The following CCDC14 variants were observed in gnomAD, a reference collection of about 807,000 sequenced individuals.
CCDC14 encodes coiled-coil domain-containing protein 14.
A neutral mutation model predicts 81.4 loss-of-function variants in CCDC14; 71 were observed. The ratio of observed to expected loss-of-function variants is 0.87; its 90% CI spans 0.72 to 1.06. The LOEUF (loss-of-function observed/expected upper bound fraction) is 1.06. Ranked by LOEUF, CCDC14 falls within the 50% of genes least tolerant of loss-of-function variation. The pLI, the probability that CCDC14 is intolerant of heterozygous loss-of-function variation, is 0.00. For missense variants in CCDC14, 1,046 were observed against 1,047.3 expected, an observed-to-expected ratio of 1.00 and a Z score of 0.02; for synonymous variants, 332 against 364.8, an observed-to-expected ratio of 0.91 and a Z score of 1.03.
chr3:123,885,511 C>A, the CCDC14 span, among the ~76,000 whole-genome samples: 1 of 149,716 alleles, frequency 6.7e-6, no homozygotes, highest in Non-Finnish European at 1.5e-5. Flanking sequence ...CCTTTTCAGT[C>A]TTTTCCTTAC....
chr3:123,915,676 A>T lies in CCDC14; in HGVS notation c.1821T>A (p.Ser607Arg), dbSNP rs111934942. The change falls in exon 13 of 13, where the codon AGT (serine) becomes AGA (arginine). Residue 607 changes from serine to arginine, a missense_variant. By Grantham distance (110) the Ser-to-Arg change is moderately radical (BLOSUM62 -1). Coordinates refer to ENST00000409697, the MANE Select transcript of CCDC14 (RefSeq NM_001366335.1). ...CAGGCTTGCAGCGAGCACTGTCCAC[A>T]CTAAGATCGGAGAGAAGCTTTGCCA... ...TSMAKLLSDLSVDSARCKPGN... is the reference protein window; with the variant it reads ...TSMAKLLSDLRVDSARCKPGN... 11 of 1,613,480 alleles carry T rather than the reference A, an allele frequency of 6.8e-6. No individual in the cohort carries two copies. The African/African-American group carries it at 1.2e-4, about 18-fold the overall frequency.
downstream of CCDC14, among the ~76,000 whole-genome samples, chr3:123,910,284 T>C (rs1031083775): frequency 1.1e-4 from 17 of 152,128 alleles, no homozygotes; most frequent in Non-Finnish European, 2.5e-4. Flanking sequence ...TCAACCTTTG[T>C]CCATTTTAAA....
chr3:123,909,543 T>C (rs1420489413), downstream of CCDC14, among the ~76,000 whole-genome samples: 2 of 152,194 alleles, frequency 1.3e-5, no homozygotes, highest in Non-Finnish European at 2.9e-5. Context: ...TTATGTCACA[T>C]GCTAAACAGA....
In CCDC14 at chr3:123,949,052, A is replaced by G; in HGVS notation, c.433T>C (p.Trp145Arg). ...ATTCTATAATGATCTTGCAATGACC[A>G]GTTTTGCTCTAGGTCTGATGTGTCT... ...ERDTSDLEQN[W>R]SLQDHYRMYS... The change falls in exon 6 of 13, where the codon TGG becomes CGG. Residue 145 changes from tryptophan (W) to arginine (R), a missense_variant. Transcript: ENST00000409697. 1 of 1,613,514 alleles carries G rather than the reference A, an allele frequency of 6.2e-7. No individual in the cohort carries two copies. Among genetic ancestry groups the G allele is most frequent in the Non-Finnish European group, 8.5e-7 (1 of 1,179,656 alleles).
chr3:123,925,972 G>A (rs1395138421), intron 12 of CCDC14, among the ~76,000 whole-genome samples: 4 of 152,104 alleles, frequency 2.6e-5, no homozygotes, highest in East Asian at 3.8e-4. Context: ...ACAAAAATAT[G>A]CTGGAGAAAC....
intron 3 of CCDC14, 39 bp from the exon 4 acceptor site, chr3:123,956,154 G>T: frequency 1.4e-6 from 2 of 1,464,694 alleles, no homozygotes; most frequent in South Asian, 2.7e-5. Context: ...ATTTGTATAT[G>T]ACTGTTAGTG....
chr3:123,947,600 T>C (rs1429278454), intron 7 of CCDC14, among the ~76,000 whole-genome samples: 1 of 152,160 alleles, frequency 6.6e-6, no homozygotes, highest in Non-Finnish European at 1.5e-5. Context: ...TTTAAACTTA[T>C]TTTCTTATGA....
At chr3:123,918,401 G>A (rs944744345) in intron 12 of CCDC14, among the ~76,000 whole-genome samples, 14 of 152,102 alleles carry the variant, frequency 9.2e-5, no homozygotes, top group African/African-American at 3.4e-4. Context: ...AAAATCTCCA[G>A]CAAGATGGTG....
At chr3:123,886,222 C>T in the CCDC14 span, among the ~76,000 whole-genome samples, 1 of 151,642 alleles carries the variant, frequency 6.6e-6, no homozygotes, top group Non-Finnish European at 1.5e-5. Flanking sequence ...AGCTTCCTTG[C>T]TATCTGATAT....
the CCDC14 span, among the ~76,000 whole-genome samples, chr3:123,887,140 A>T: frequency 1.3e-5 from 2 of 152,190 alleles, no homozygotes; most frequent in African/African-American, 4.8e-5. Context: ...GTTATACTCT[A>T]TCTAAATTAT....
the CCDC14 span, among the ~76,000 whole-genome samples, chr3:123,886,647 C>T: frequency 1.3e-5 from 2 of 152,080 alleles, no homozygotes; most frequent in African/African-American, 4.8e-5. Context: ...CTGCCCACCT[C>T]GGCCTCCCAA....
At chr3:123,932,169 C>G (rs2035770437) in intron 10 of CCDC14, among the ~76,000 whole-genome samples, 1 of 152,192 alleles carries the variant, frequency 6.6e-6, no homozygotes, top group Non-Finnish European at 1.5e-5. Context: ...GACGTGGCCC[C>G]TGTTCTCACA....
At chr3:123,948,865 C>T (rs2036830999) in intron 6 of CCDC14, 31 bp downstream of exon 6, 1 of 1,595,592 alleles carries the variant, frequency 6.3e-7, no homozygotes, top group East Asian at 2.2e-5. Context: ...AGAACTTACA[C>T]TCACGATTTT....
Position 123,913,981 on chromosome 3 carries a change from A to T in CCDC14, c.*798T>A. The stretch of plus-strand genomic sequence containing the variant: ...ATGCTGGGAGAAAAAATTCTTCCAA[A>T]AAGGCAGAATTACAATCAATGCCAA... On this transcript the variant is annotated 3_prime_UTR_variant, in exon 13 of 13. Coordinates refer to ENST00000409697, the MANE Select transcript of CCDC14 (RefSeq NM_001366335.1). The T allele has an allele frequency of 1.0e-6, 1 of 985,614 alleles. No homozygotes were observed. Among genetic ancestry groups the T allele is most frequent in the Non-Finnish European group, 1.2e-6 (1 of 829,730 alleles). 61.1% of individuals were successfully genotyped at this position (985,614 alleles called of 1,614,324 possible).
chr3:123,925,067 T>C (rs2035283329), intron 12 of CCDC14, among the ~76,000 whole-genome samples: 1 of 151,354 alleles, frequency 6.6e-6, no homozygotes, highest in Non-Finnish European at 1.5e-5. Context: ...TTTCCTTCAG[T>C]GAATGAATGA....
intron 12 of CCDC14, among the ~76,000 whole-genome samples, chr3:123,925,191 G>C (rs2035292314): frequency 6.6e-6 from 1 of 151,576 alleles, no homozygotes; most frequent in Non-Finnish European, 1.5e-5. Flanking sequence ...AATGAACCTG[G>C]AGGACATCCA....
rs1485718086 is a variant in CCDC14, at chr3:123,949,401, C to A, written c.353-269G>T. On this transcript the variant is annotated intron_variant, in intron 5 of 12. Coordinates refer to ENST00000409697, the MANE Select transcript of CCDC14 (RefSeq NM_001366335.1). ...CTACTTGCCATTTGTAAAATCTCTC[C>A]TTCATTTTAACACTTCTTTTAAGGG... is the stretch of plus-strand genomic sequence containing the variant. 5 of 416,146 alleles carry A rather than the reference C, an allele frequency of 1.2e-5. No homozygotes were observed. The East Asian group carries it at 1.3e-4, about 11-fold the overall frequency. 25.8% of individuals were successfully genotyped at this position (416,146 alleles called of 1,614,324 possible). A position where few individuals can be genotyped will look rare whatever the true frequency, so the allele number is the denominator to read the frequency against.
intron 5 of CCDC14, among the ~76,000 whole-genome samples, chr3:123,904,791 AACC>A (rs1392611895): frequency 6.6e-6 from 1 of 152,178 alleles, no homozygotes; most frequent in African/African-American, 2.4e-5. Flanking sequence ...TCTCCAAGTT[AACC>A]TATAAATTCT....
chr3:123,918,614 G>T (rs1418197441), intron 12 of CCDC14, among the ~76,000 whole-genome samples: 1 of 152,170 alleles, frequency 6.6e-6, no homozygotes, highest in Admixed American at 6.5e-5. Flanking sequence ...CACACAGAGA[G>T]GAGTCCCCTG....
Sources: gnomAD v4.1 joint callset for allele counts (sites outside exome capture counted in the v4.1 genomes callset) on GRCh38, gnomAD v4.1.1 for gene constraint, MANE v1.5 for transcripts, NCBI Gene and HGNC (gene_info 2026-07-23, HGNC 2026-07-21) for gene names.